The following HCK variants were observed in gnomAD, a reference collection of about 807,000 sequenced individuals.
The protein encoded by HCK is HCK proto-oncogene, Src family tyrosine kinase, also known as tyrosine-protein kinase HCK.
Under a neutral mutation model 70.4 loss-of-function variants are expected in HCK, and 40 were observed. The observed-to-expected ratio is 0.57, with a 90% CI of 0.44 to 0.74. The LOEUF (loss-of-function observed/expected upper bound fraction) is 0.74, where lower values mean the gene tolerates loss of function less well. HCK is among the 30% of genes least tolerant of loss of function. The pLI, the probability that HCK is intolerant of heterozygous loss-of-function variation, is 0.00. For missense variants in HCK, 568 were observed against 697.2 expected, an observed-to-expected ratio of 0.81 and a Z score of 2.09; for synonymous variants, 245 against 263.2, an observed-to-expected ratio of 0.93 and a Z score of 0.67.
intron 1 of HCK, among the ~76,000 whole-genome samples, chr20:32,068,821 G>A (rs1476514904): frequency 6.6e-6 from 1 of 151,956 alleles, no homozygotes; most frequent in Non-Finnish European, 1.5e-5. Context: ...GTTTGTAACT[G>A]TAGTCCCAGC....
chr20:32,070,557 G>A (rs955554605), intron 1 of HCK, among the ~76,000 whole-genome samples: 10 of 152,240 alleles, frequency 6.6e-5, no homozygotes, highest in East Asian at 5.8e-4. Flanking sequence ...CATTTAGACC[G>A]CAGGTTCTGT....
intron 1 of HCK, among the ~76,000 whole-genome samples, chr20:32,058,723 A>G (rs2045315674): frequency 6.6e-6 from 1 of 152,104 alleles, no homozygotes; most frequent in South Asian, 2.1e-4. Context: ...TCAAATGCAA[A>G]TAGTTTGAGA....
chr20:32,097,555 G>A (rs1024772331), intron 11 of HCK, among the ~76,000 whole-genome samples: 3 of 152,008 alleles, frequency 2.0e-5, no homozygotes, highest in African/African-American at 7.3e-5. Flanking sequence ...ACTCCAGCCT[G>A]GGCAAACAGA....
In HCK at chr20:32,084,514, G is replaced by A; in HGVS notation, c.806G>A (p.Gly269Glu). 1 of 1,614,096 alleles carries A rather than the reference G, an allele frequency of 6.2e-7. No homozygotes were observed. Among genetic ancestry groups the A allele is most frequent in the East Asian group, 2.2e-5 (1 of 44,880 alleles). ...TCCCTCAAGCTGGAGAAGAAACTTGGAGCTGGGCAGTTTGGGGAAGTCTGG... is the reference window on the plus strand; with the variant it reads ...TCCCTCAAGCTGGAGAAGAAACTTGAAGCTGGGCAGTTTGGGGAAGTCTGG... Residue 269 changes from glycine (G) to glutamate (E), a missense_variant, in exon 8 of 13, where the codon GGA becomes GAA. Physicochemically the swap from Gly to Glu is moderately conservative, Grantham distance 98. Around this residue, in one of 4 missense-constraint regions of HCK, gnomAD observed 13 missense variants for 38.8 expected, o/e 0.34. Coordinates refer to ENST00000375852, the MANE Select transcript of HCK (RefSeq NM_002110.5).
At chr20:32,059,228 T>G (rs999637095) in intron 1 of HCK, among the ~76,000 whole-genome samples, 4 of 152,092 alleles carry the variant, frequency 2.6e-5, no homozygotes, top group Admixed American at 2.6e-4. Flanking sequence ...CATGGAGGGC[T>G]TATAGAATGA....
At chr20:32,087,490 A>T (rs1478119763) in intron 9 of HCK, among the ~76,000 whole-genome samples, 1 of 151,852 alleles carries the variant, frequency 6.6e-6, no homozygotes, top group African/African-American at 2.4e-5. Flanking sequence ...TTTTAGAGAC[A>T]GGGTTGCCCT....
chr20:32,086,262 G>A (rs140551218), intron 8 of HCK, among the ~76,000 whole-genome samples: 1,578 of 152,212 alleles, frequency 0.01, 13 homozygotes, highest in Non-Finnish European at 0.017. Context: ...CTTGTGATCC[G>A]CCCACCTCGG....
At position 32,084,388 on chromosome 20, in the gene HCK, C is replaced by T. The variant is rs760965711; in HGVS notation, c.683-3C>T. The T allele has an allele frequency of 4.3e-6, 7 of 1,611,420 alleles. No individual in the cohort carries two copies. In the African/African-American group the frequency reaches 5.3e-5, roughly 12 times the overall value. ...TCTCAATTGACCAGGGACTCTGTTC[C>T]AGAGGGGAACGACGGGCTCTGCCAG... On this transcript the variant is annotated splice_polypyrimidine_tract_variant and splice_region_variant and intron_variant, in intron 7 of 12. Transcript: ENST00000375852.
intron 10 of HCK, among the ~76,000 whole-genome samples, chr20:32,091,663 T>A (rs926253982): frequency 6.6e-6 from 1 of 151,932 alleles, no homozygotes; most frequent in Non-Finnish European, 1.5e-5. Flanking sequence ...AATCAGAGTC[T>A]CTTCCAAGTT....
chr20:32,083,876 T>C lies in HCK; in HGVS notation c.533-18T>C, dbSNP rs752797290. The C allele has an allele frequency of 3.1e-6, 5 of 1,614,010 alleles. No individual in the cohort carries two copies. Among genetic ancestry groups the C allele is most frequent in the Admixed American group, 1.7e-5 (1 of 60,012 alleles). ...CTCCAAGATGCCATTCTGAGGGGTT[T>C]CTCTTTGGTCAATTCAGGAAGCTAC... On this transcript the variant is annotated intron_variant, in intron 6 of 12. Coordinates refer to ENST00000375852, the MANE Select transcript of HCK (RefSeq NM_002110.5).
At position 32,100,016 on chromosome 20, in the gene HCK, C is replaced by T. The variant is rs540553414; in HGVS notation, c.1378+881C>T. Among the ~76,000 whole-genome samples, 6 of 151,980 alleles carry T rather than the reference C, an allele frequency of 3.9e-5. No homozygotes were observed. In the South Asian group the frequency reaches 1.0e-3, roughly 26 times the overall value. ...CTAGGCTCAAATGATCCTCCCGCTT[C>T]AGCCTCCCGAGTATCTGGGACCATA... On this transcript the variant is annotated intron_variant, in intron 12 of 12. Coordinates refer to ENST00000375852, the MANE Select transcript of HCK (RefSeq NM_002110.5).
intron 11 of HCK, among the ~76,000 whole-genome samples, chr20:32,095,218 T>C (rs897651849): frequency 3.3e-5 from 5 of 152,134 alleles, no homozygotes; most frequent in African/African-American, 1.2e-4. Context: ...GAAGACCACA[T>C]GTTGTATAAT....
At chr20:32,082,781 C>T (rs2045726175) in intron 6 of HCK, among the ~76,000 whole-genome samples, 1 of 152,134 alleles carries the variant, frequency 6.6e-6, no homozygotes, top group African/African-American at 2.4e-5. Flanking sequence ...TGGTCATGAG[C>T]TGAAAGACTT....
intron 10 of HCK, among the ~76,000 whole-genome samples, chr20:32,092,077 G>A (rs976066295): frequency 6.6e-6 from 1 of 152,120 alleles, no homozygotes. Flanking sequence ...TTGCAAGTGC[G>A]CCACCCACTT....
chr20:32,053,740 T>C (rs1248708672), intron 1 of HCK, among the ~76,000 whole-genome samples: 2 of 150,776 alleles, frequency 1.3e-5, no homozygotes, highest in Non-Finnish European at 3.0e-5. Context: ...TAGCTAGACA[T>C]ATGGCCCCGT....
At chr20:32,094,684 C>CAAAAG (rs1191674961) in intron 11 of HCK, among the ~76,000 whole-genome samples, 51 of 101,006 alleles carry the variant, frequency 5.0e-4, no homozygotes, top group East Asian at 1.6e-3. Context: ...AAGATCTTGT[C>CAAAAG]AAAAGAAAAG....
chr20:32,074,078 G>A (rs1483580589), intron 4 of HCK, among the ~76,000 whole-genome samples: 2 of 152,164 alleles, frequency 1.3e-5, no homozygotes, highest in South Asian at 4.1e-4. Context: ...GGGCTCCTGC[G>A]ATTAAGCCAC....
In HCK at chr20:32,052,463, G is replaced by T; in HGVS notation, c.39G>T (p.Pro13=). ...CAAGCTGCGAGGATCCGGGCTGCCC[G>T]CGAGACGAGGAGCGGGCGCCCAGGT... Residue 13 remains proline (P), a synonymous_variant, in exon 1 of 13, where the codon CCG becomes CCT. Coordinates refer to ENST00000375852, the MANE Select transcript of HCK (RefSeq NM_002110.5). 7.9e-7 allele frequency: 1 copy of T among 1,266,278 alleles called. No individual in the cohort carries two copies. The allele number at this position is 1,266,278 out of a possible 1,614,324, so 78.4% of individuals were successfully genotyped here.
chr20:32,059,948 A>G (rs1288734707), intron 1 of HCK, among the ~76,000 whole-genome samples: 2 of 152,186 alleles, frequency 1.3e-5, no homozygotes, highest in Admixed American at 6.5e-5. Context: ...CAATTATAAA[A>G]AAAATGTAAA....
Sources: allele counts gnomAD v4.1 joint callset (sites outside exome capture counted in the v4.1 genomes callset), GRCh38; gene constraint gnomAD v4.1.1; regional missense constraint gnomAD v4.1.1; transcripts MANE v1.5; gene names NCBI Gene and HGNC (gene_info 2026-07-23, HGNC 2026-07-21).